Variants in KIF1B observed in about 807,000 individuals in gnomAD.
KIF1B encodes kinesin family member 1B.
In KIF1B, 76 loss-of-function variants were observed where a neutral mutation model predicts 241.9. That is an observed-to-expected ratio of 0.31 (90% CI 0.26 to 0.38). The LOEUF is 0.38. KIF1B is among the 10% of genes least tolerant of loss of function. The probability of loss-of-function intolerance (pLI) is 1.00; values close to 1 mark genes in which losing one functional copy is unlikely to be tolerated. For missense variants in KIF1B, 1,622 were observed against 2,271.4 expected, an observed-to-expected ratio of 0.71 and a Z score of 5.81; for synonymous variants, 750 against 796.7, an observed-to-expected ratio of 0.94 and a Z score of 0.99.
rs1208802883 is a variant in KIF1B at position 10,379,739 on chromosome 1, C to A, written c.*3152C>A. The A allele has an allele frequency of 4.3e-6, 1 of 230,764 alleles. No individual in the cohort carries two copies. The highest frequency in any genetic ancestry group is 8.6e-6 in the Non-Finnish European group (1 of 116,582). The allele number at this position is 230,764 out of a possible 1,614,324, so 14.3% of individuals were successfully genotyped here. ...CCTCTGTCTCTCATCCTCCTTTCTC[C>A]CATCAAAGCAAAATATGGCCTCACC... On this transcript the variant is annotated 3_prime_UTR_variant, in exon 49 of 49. Coordinates refer to ENST00000676179, the MANE Select transcript of KIF1B (RefSeq NM_001365951.3).
intron 22 of KIF1B, among the ~76,000 whole-genome samples, chr1:10,301,831 A>G (rs967335287): frequency 2.6e-5 from 4 of 152,232 alleles, no homozygotes; most frequent in Non-Finnish European, 5.9e-5. Flanking sequence ...CCAGAGATCC[A>G]TGTTATCAAG....
Position 10,378,756 on chromosome 1 carries a change from G to T in KIF1B, c.*2169G>T. 1 of 325,524 alleles carries T rather than the reference G, an allele frequency of 3.1e-6. No individual in the cohort carries two copies. The highest frequency in any genetic ancestry group is 5.8e-6 in the Non-Finnish European group (1 of 172,590). The allele number at this position is 325,524 out of a possible 1,614,324, so 20.2% of individuals were successfully genotyped here. ...TCTGAAGAACAGGTCTCCCAGCTTC[G>T]CTCCTTATCACTGCATTGTGAAGAG... On this transcript the variant is annotated 3_prime_UTR_variant, in exon 49 of 49. Transcript: ENST00000676179.
At chr1:10,234,788 T>C (rs1246274311) in intron 2 of KIF1B, among the ~76,000 whole-genome samples, 1 of 151,718 alleles carries the variant, frequency 6.6e-6, no homozygotes, top group Non-Finnish European at 1.5e-5. Context: ...TCCCAAAGTG[T>C]TGGGATTGCA....
At chr1:10,262,112 T>G in intron 5 of KIF1B, 142 bp downstream of exon 5, 1 of 719,998 alleles carries the variant, frequency 1.4e-6, no homozygotes, top group East Asian at 2.7e-5. Context: ...TTCTGGGTTT[T>G]GGGTATAATG....
intron 33 of KIF1B, 151 bp from the exon 34 acceptor site, chr1:10,343,081 G>A: frequency 1.3e-6 from 1 of 778,848 alleles, no homozygotes; most frequent in Non-Finnish European, 2.2e-6. Context: ...GTTGCCTTCT[G>A]TACTGTCACA....
chr1:10,256,149 A>G (rs1647768989), intron 2 of KIF1B, 98 bp from the exon 3 acceptor site: 3 of 802,792 alleles, frequency 3.7e-6, no homozygotes, highest in Non-Finnish European at 6.6e-6. Flanking sequence ...AGTGGTATGA[A>G]TTTACTGATT....
intron 4 of KIF1B, among the ~76,000 whole-genome samples, chr1:10,261,333 C>T (rs560895753): frequency 8.7e-5 from 13 of 150,240 alleles, no homozygotes; most frequent in East Asian, 2.0e-4. Flanking sequence ...TGCAGTGGCA[C>T]GATCTTGGCT....
chr1:10,270,799 G>T (rs903428734), intron 7 of KIF1B, among the ~76,000 whole-genome samples: 1 of 151,858 alleles, frequency 6.6e-6, no homozygotes, highest in Non-Finnish European at 1.5e-5. Flanking sequence ...GGTGGTGGGC[G>T]CCTGTAAGCT....
At chr1:10,310,973 A>G (rs1048573649) in intron 22 of KIF1B, among the ~76,000 whole-genome samples, 5 of 151,534 alleles carry the variant, frequency 3.3e-5, no homozygotes, top group Non-Finnish European at 5.9e-5. Context: ...TTTTGCCTGC[A>G]TCATCCATCC....
At chr1:10,280,729 G>A (rs146333896) in intron 14 of KIF1B, among the ~76,000 whole-genome samples, 2 of 152,324 alleles carry the variant, frequency 1.3e-5, no homozygotes, top group East Asian at 3.9e-4. Flanking sequence ...AACGATACTG[G>A]TGTGGAAAAG....
At chr1:10,247,501 G>A (rs1272720451) in intron 2 of KIF1B, among the ~76,000 whole-genome samples, 5 of 152,212 alleles carry the variant, frequency 3.3e-5, no homozygotes, top group African/African-American at 1.2e-4. Flanking sequence ...CATGTAGGCA[G>A]GGACTTGTTT....
At chr1:10,290,795 C>T (rs994045851) in intron 15 of KIF1B, among the ~76,000 whole-genome samples, 12 of 151,128 alleles carry the variant, frequency 7.9e-5, no homozygotes, top group Admixed American at 2.6e-4. Context: ...ACTTGATCCC[C>T]AGAGGTGAGG....
intron 27 of KIF1B, among the ~76,000 whole-genome samples, chr1:10,331,294 G>A (rs964003068): frequency 2.2e-4 from 34 of 152,152 alleles, no homozygotes; most frequent in Middle Eastern, 3.2e-3. Flanking sequence ...GATACCTTAC[G>A]CCAAATTCTT....
chr1:10,319,828 C>G (rs1391301595), intron 22 of KIF1B, among the ~76,000 whole-genome samples: 5 of 152,084 alleles, frequency 3.3e-5, no homozygotes, highest in African/African-American at 1.2e-4. Flanking sequence ...TGAGTTTTTT[C>G]TTTTTAACAT....
At chr1:10,332,539 G>A (rs1179752967) in intron 27 of KIF1B, among the ~76,000 whole-genome samples, 3 of 105,668 alleles carry the variant, frequency 2.8e-5, no homozygotes, top group South Asian at 6.4e-4. Flanking sequence ...TTTTTGAGAC[G>A]GAGTCTCACT....
intron 5 of KIF1B, among the ~76,000 whole-genome samples, chr1:10,264,724 C>T (rs759300967): frequency 1.7e-4 from 26 of 151,132 alleles, no homozygotes; most frequent in African/African-American, 4.6e-4. Context: ...TGCAGCGGCG[C>T]GGTCTCGGCT....
intron 17 of KIF1B, among the ~76,000 whole-genome samples, chr1:10,292,894 C>T (rs563812098): frequency 1.3e-5 from 2 of 152,210 alleles, no homozygotes; most frequent in Non-Finnish European, 2.9e-5. Context: ...GTAAATTGTC[C>T]TTTATTTCAA....
At chr1:10,366,524 A>AG (rs1418527915) in intron 43 of KIF1B, among the ~76,000 whole-genome samples, 7 of 151,978 alleles carry the variant, frequency 4.6e-5, no homozygotes, top group African/African-American at 1.7e-4. Flanking sequence ...CGTGATCAGG[A>AG]GGGAGGCAGT....
rs369085572 is a variant in KIF1B at position 10,376,627 on chromosome 1, A to T, written c.*40A>T. 6.3e-7 allele frequency: 1 copy of T among 1,586,696 alleles called. No homozygotes were observed. Among genetic ancestry groups the T allele is most frequent in the African/African-American group, 1.3e-5 (1 of 74,294 alleles). ...TGCCCTCACTCGCCTTCGAGAGATA[A>T]AGAAAGCGTTACCTCTCATTTCTCT... On this transcript the variant is annotated 3_prime_UTR_variant, in exon 49 of 49. Transcript: ENST00000676179.
Sources: allele counts gnomAD v4.1 joint callset (sites outside exome capture counted in the v4.1 genomes callset), GRCh38; gene constraint gnomAD v4.1.1; transcripts MANE v1.5; gene names NCBI Gene and HGNC (gene_info 2026-07-23, HGNC 2026-07-21).